NCKAP5: variants seen among roughly 807,000 people sequenced by gnomAD.
NCKAP5 encodes nck-associated protein 5.
NCKAP5 carries 92 observed loss-of-function variants against 167.0 expected under a neutral mutation model. The observed-to-expected ratio is 0.55, with a 90% CI of 0.47 to 0.66. NCKAP5 has a LOEUF of 0.66. Ranked by LOEUF, NCKAP5 falls within the 30% of genes least tolerant of loss-of-function variation. The probability of loss-of-function intolerance (pLI) is 0.00; values close to 1 mark genes in which losing one functional copy is unlikely to be tolerated. For synonymous variants in NCKAP5, 891 were observed against 877.4 expected, an observed-to-expected ratio of 1.02 and a Z score of -0.27; for missense variants, 2,378 against 2,315.0, an observed-to-expected ratio of 1.03 and a Z score of -0.56.
At chr2:133,628,040 T>A in the NCKAP5 span, among the ~76,000 whole-genome samples, 3 of 152,168 alleles carry the variant, frequency 2.0e-5, no homozygotes, top group Non-Finnish European at 2.9e-5. Flanking sequence ...AATATCATAC[T>A]GACTGGGCAA....
At chr2:133,601,625 C>T in the NCKAP5 span, among the ~76,000 whole-genome samples, 4 of 152,122 alleles carry the variant, frequency 2.6e-5, no homozygotes, top group Non-Finnish European at 5.9e-5. Context: ...CCCAGCTACT[C>T]AGGAGGCTGA....
At chr2:132,798,304 C>G (rs1230524470) in intron 11 of NCKAP5, among the ~76,000 whole-genome samples, 1 of 152,178 alleles carries the variant, frequency 6.6e-6, no homozygotes, top group Non-Finnish European at 1.5e-5. Context: ...ACTTAGTAAG[C>G]AGCCCATTAG....
intron 5 of NCKAP5, among the ~76,000 whole-genome samples, chr2:133,200,336 G>A (rs1199337424): frequency 1.3e-5 from 2 of 151,836 alleles, no homozygotes; most frequent in Admixed American, 6.6e-5. Context: ...CATGTTAACT[G>A]ATTTTTAAAA....
chr2:133,213,619 C>A, intron 5 of NCKAP5, 97 bp downstream of exon 5: 1 of 1,180,270 alleles, frequency 8.5e-7, no homozygotes, highest in Non-Finnish European at 1.2e-6. Context: ...TTGCTGCAAG[C>A]AAATATTTTC....
chr2:132,874,340 C>A (rs1486612342), intron 9 of NCKAP5, among the ~76,000 whole-genome samples: 1 of 152,036 alleles, frequency 6.6e-6, no homozygotes, highest in Non-Finnish European at 1.5e-5. Context: ...GCACTCCTGA[C>A]CTTGTGATCC....
chr2:133,037,634 T>C (rs769686457), intron 6 of NCKAP5, among the ~76,000 whole-genome samples: 1 of 152,158 alleles, frequency 6.6e-6, no homozygotes, highest in Non-Finnish European at 1.5e-5. Context: ...TTTCACCATA[T>C]ACAGAAGTCA....
chr2:132,854,643 C>T (rs80186859), intron 11 of NCKAP5, among the ~76,000 whole-genome samples: 6,839 of 152,298 alleles, frequency 0.045, 177 homozygotes, highest in East Asian at 0.1. Flanking sequence ...ACTTGCCCCA[C>T]GCCTGTCTCT....
intron 4 of NCKAP5, among the ~76,000 whole-genome samples, chr2:133,235,595 A>C (rs1027104743): frequency 2.0e-5 from 3 of 151,876 alleles, no homozygotes; most frequent in Non-Finnish European, 4.4e-5. Context: ...TAATGCCAGA[A>C]AGTGGTGGCT....
rs185283321 is a variant in NCKAP5 at position 133,389,451 on chromosome 2, G to C, written c.70-86341C>G. ...GGTACCTGAGTTAGTCCCAGGTAAG[G>C]GATAATGAGTAGCCTGAGAACTGTT... is the stretch of plus-strand genomic sequence containing the variant. On this transcript the variant is annotated intron_variant, in intron 3 of 19. Transcript: ENST00000409261. Among the ~76,000 whole-genome samples, 28 of 152,222 alleles carry C rather than the reference G, an allele frequency of 1.8e-4. No individual in the cohort carries two copies. In the East Asian group the frequency reaches 5.2e-3, roughly 28 times the overall value.
chr2:132,869,538 T>C (rs949762937), intron 9 of NCKAP5, among the ~76,000 whole-genome samples: 1 of 152,200 alleles, frequency 6.6e-6, no homozygotes, highest in African/African-American at 2.4e-5. Context: ...CTGGTAGTTG[T>C]TTACTACAAC....
chr2:133,647,713 A>AAGGAAGGAAGG, the NCKAP5 span, among the ~76,000 whole-genome samples: 2 of 85,712 alleles, frequency 2.3e-5, 1 homozygote, highest in South Asian at 1.1e-3. Flanking sequence ...AAAGAAAAAG[A>AAGGAAGGAAGG]AAGGAAGGAA....
At chr2:133,330,234 T>C (rs1170285407) in intron 3 of NCKAP5, among the ~76,000 whole-genome samples, 1 of 113,226 alleles carries the variant, frequency 8.8e-6, no homozygotes, top group African/African-American at 3.6e-5. Context: ...CCAGCTACTT[T>C]ATTTTTTGTA....
intron 4 of NCKAP5, among the ~76,000 whole-genome samples, chr2:133,217,248 G>T (rs139166837): frequency 3.9e-5 from 6 of 152,074 alleles, no homozygotes; most frequent in Non-Finnish European, 5.9e-5. Flanking sequence ...TATAAAGTAC[G>T]CAGAAAAATA....
chr2:133,617,233 A>T, the NCKAP5 span, among the ~76,000 whole-genome samples: 3 of 152,332 alleles, frequency 2.0e-5, no homozygotes, highest in South Asian at 6.2e-4. Flanking sequence ...TTCCCTTTGA[A>T]AACTGGCACA....
chr2:132,836,864 TG>T (rs1386403771), intron 11 of NCKAP5, among the ~76,000 whole-genome samples: 4 of 152,346 alleles, frequency 2.6e-5, no homozygotes, highest in South Asian at 2.1e-4. Flanking sequence ...AGTCTTATTT[TG>T]CTGCTTTCTT....
chr2:133,188,486 T>C (rs2085054689), intron 5 of NCKAP5, among the ~76,000 whole-genome samples: 1 of 152,044 alleles, frequency 6.6e-6, no homozygotes, highest in Admixed American at 6.6e-5. Context: ...TATACATTCC[T>C]CTCAACACCA....
intron 3 of NCKAP5, among the ~76,000 whole-genome samples, chr2:133,415,986 T>C (rs537037954): frequency 1.1e-3 from 171 of 152,330 alleles, no homozygotes; most frequent in Non-Finnish European, 1.9e-3. Flanking sequence ...GTGAAATAAG[T>C]GTGTTAGACC....
At position 133,227,417 on chromosome 2, in the gene NCKAP5, C is replaced by T. The variant is rs554599959; in HGVS notation, c.144-13638G>A. On this transcript the variant is annotated intron_variant, in intron 4 of 19. Transcript: ENST00000409261. ...CTTAGTTCATATTCCAGAGTGGAGA[C>T]GGTTTGCAAACACATGTATATACTC... Among the ~76,000 whole-genome samples the T allele has an allele frequency of 3.9e-4, 60 of 152,268 alleles. No individual in the cohort carries two copies. The South Asian group carries it at 0.012, about 29-fold the overall frequency.
intron 11 of NCKAP5, among the ~76,000 whole-genome samples, chr2:132,809,274 T>C (rs1685673515): frequency 6.6e-6 from 1 of 152,188 alleles, no homozygotes. Context: ...TGTATAAATC[T>C]GTTAAGTCCA....
Sources: gnomAD v4.1 joint callset for allele counts (sites outside exome capture counted in the v4.1 genomes callset) on GRCh38, gnomAD v4.1.1 for gene constraint, MANE v1.5 for transcripts, NCBI Gene and HGNC (gene_info 2026-07-23, HGNC 2026-07-21) for gene names.